Variants in TTC17 observed in about 807,000 individuals in gnomAD.
The protein encoded by TTC17 is tetratricopeptide repeat protein 17.
A neutral mutation model predicts 143.8 loss-of-function variants in TTC17; 58 were observed. The observed-to-expected ratio is 0.40, with a 90% CI of 0.33 to 0.50. The LOEUF is 0.50. TTC17 is among the 20% of genes least tolerant of loss of function. The probability of loss-of-function intolerance (pLI) is 0.49; values close to 1 mark genes in which losing one functional copy is unlikely to be tolerated. For synonymous variants in TTC17, 501 were observed against 497.8 expected (o/e 1.01, Z -0.09); for missense variants, 1,273 against 1,392.5 (o/e 0.91, Z 1.37).
At chr11:43,395,095 A>C (rs1018901485) in intron 5 of TTC17, among the ~76,000 whole-genome samples, 5 of 151,080 alleles carry the variant, frequency 3.3e-5, no homozygotes, top group Admixed American at 3.3e-4. Context: ...TAGTTCATGT[A>C]GAACTTTTTT....
At chr11:43,491,976 C>T in intron 22 of TTC17, 44 bp from the exon 23 acceptor site, 2 of 1,606,488 alleles carry the variant, frequency 1.2e-6, no homozygotes, top group South Asian at 1.1e-5. Context: ...AATGAAAGCT[C>T]AAAACCCAAT....
chr11:43,466,199 G>A (rs1278671918), intron 21 of TTC17, among the ~76,000 whole-genome samples: 1 of 152,136 alleles, frequency 6.6e-6, no homozygotes, highest in Non-Finnish European at 1.5e-5. Flanking sequence ...CAAATCATCA[G>A]GAAAATGCAA....
At chr11:43,421,034 A>G (rs1156564824) in intron 16 of TTC17, among the ~76,000 whole-genome samples, 1 of 152,228 alleles carries the variant, frequency 6.6e-6, no homozygotes, top group Admixed American at 6.5e-5. Context: ...TCACTATTCT[A>G]GGAATTGGAA....
intron 21 of TTC17, among the ~76,000 whole-genome samples, chr11:43,481,061 AGT>A (rs1948277732): frequency 1.3e-3 from 1 of 758 alleles, no homozygotes; most frequent in Non-Finnish European, 3.8e-3. Context: ...AAAAGGAGGT[AGT>A]AGGCATAGTT....
intron 21 of TTC17, among the ~76,000 whole-genome samples, chr11:43,477,932 A>G (rs1454438217): frequency 1.3e-5 from 2 of 152,214 alleles, no homozygotes; most frequent in African/African-American, 4.8e-5. Flanking sequence ...CTTAATGAAT[A>G]TCAGCAGTGA....
Position 43,412,182 on chromosome 11 carries a change from A to G in TTC17, c.2065-2408A>G, listed in dbSNP as rs970229693. Among the ~76,000 whole-genome samples, 184 of 152,296 alleles carry G rather than the reference A, an allele frequency of 1.2e-3. 2 individuals carry two copies. The highest frequency in any genetic ancestry group is 3.9e-4 in the East Asian group (2 of 5,184). Reference sequence around the variant, plus strand: ...TAGCATACAAAGTACACTGTTTACAATAGCATCAAGAAAACATCAGATCTG... The same window carrying G: ...TAGCATACAAAGTACACTGTTTACAGTAGCATCAAGAAAACATCAGATCTG... On this transcript the variant is annotated intron_variant, in intron 15 of 23. Coordinates refer to ENST00000039989, the MANE Select transcript of TTC17 (RefSeq NM_018259.6).
intron 1 of TTC17, among the ~76,000 whole-genome samples, chr11:43,376,679 A>G (rs1856774961): frequency 6.6e-6 from 1 of 152,224 alleles, no homozygotes; most frequent in Non-Finnish European, 1.5e-5. Flanking sequence ...TGTATATGAC[A>G]CAGGAGTACA....
chr11:43,477,382 T>A (rs1259861803), intron 21 of TTC17, among the ~76,000 whole-genome samples: 5 of 152,230 alleles, frequency 3.3e-5, no homozygotes, highest in African/African-American at 1.2e-4. Flanking sequence ...CCCACTCTGC[T>A]AGTACCAATT....
intron 17 of TTC17, among the ~76,000 whole-genome samples, chr11:43,443,855 C>T (rs1050503389): frequency 7.9e-5 from 12 of 152,184 alleles, no homozygotes; most frequent in African/African-American, 1.9e-4. Flanking sequence ...TCTTTCTTTT[C>T]GGTTTCTTCT....
chr11:43,361,854 A>C (rs1258362264), intron 1 of TTC17, among the ~76,000 whole-genome samples: 1 of 152,198 alleles, frequency 6.6e-6, no homozygotes, highest in African/African-American at 2.4e-5. Context: ...AGAGTGGTAC[A>C]TACCTTTTGA....
rs1455787944 is a variant in TTC17 at position 43,396,762 on chromosome 11, G to T, written c.717G>T (p.Lys239Asn). The T allele has an allele frequency of 6.2e-7, 1 of 1,610,176 alleles. No individual in the cohort carries two copies. Among genetic ancestry groups the T allele is most frequent in the African/African-American group, 1.3e-5 (1 of 74,846 alleles). Residue 239 changes from lysine (K) to asparagine (N), a missense_variant, in exon 6 of 24, where the codon AAG (lysine) becomes AAT (asparagine). By Grantham distance (94) the Lys-to-Asn change is moderately conservative. Around this residue, in one of 3 missense-constraint regions of TTC17, gnomAD observed 325 missense variants for 444.2 expected, o/e 0.73. Coordinates refer to ENST00000039989, the MANE Select transcript of TTC17 (RefSeq NM_018259.6). ...YNMASFYWRIKNEPYQVVECA... is the reference protein window; with the variant it reads ...YNMASFYWRINNEPYQVVECA... The stretch of plus-strand genomic sequence containing the variant: ...TGGCTTCATTTTACTGGAGAATTAA[G>T]AATGAGCCATATCAGGTAGTAGAAT...
rs534451559 is a variant in TTC17 at position 43,382,791 on chromosome 11, C to A, written c.249+3469C>A. 2.5e-4 allele frequency among the ~76,000 whole-genome samples: 38 copies of A among 152,324 alleles called. No homozygotes were observed. In the Middle Eastern group the frequency reaches 0.01, roughly 41 times the overall value. On this transcript the variant is annotated intron_variant, in intron 2 of 23. Transcript: ENST00000039989. ...TCAGGAAATACAGAAAATAGAGGAA[C>A]ATGTTCAGTGAACCTTGAGTACCTA... is the stretch of plus-strand genomic sequence containing the variant.
rs2134796773 is a variant in TTC17, at chr11:43,462,826, G to A, written c.3030+11561G>A. ...AGATTTGAATAAAATTATAATAACT[G>A]ATAGCAGTTATTATTGTAGCAGACC... On this transcript the variant is annotated intron_variant, in intron 21 of 23. Transcript: ENST00000039989. Among the ~76,000 whole-genome samples the A allele has an allele frequency of 2.6e-5, 4 of 152,034 alleles. No individual in the cohort carries two copies. In the South Asian group the frequency reaches 8.3e-4, roughly 32 times the overall value.
chr11:43,360,742 T>C lies in TTC17; in HGVS notation c.159+1629T>C, dbSNP rs192551654. Among the ~76,000 whole-genome samples the C allele has an allele frequency of 4.6e-3, 704 of 152,166 alleles. 1 individual carries two copies. The highest frequency in any genetic ancestry group is 0.016 in the African/African-American group (655 of 41,482). On this transcript the variant is annotated intron_variant, in intron 1 of 23. Coordinates refer to ENST00000039989, the MANE Select transcript of TTC17 (RefSeq NM_018259.6). ...TTTTTTTTTAACAAATTCCTTCTTTTTGCACTTTGGATACATATGTATTAA... is the reference window on the plus strand; with the variant it reads ...TTTTTTTTTAACAAATTCCTTCTTTCTGCACTTTGGATACATATGTATTAA...
intron 18 of TTC17, 85 bp downstream of exon 18, chr11:43,444,294 A>T: frequency 7.1e-7 from 1 of 1,402,296 alleles, no homozygotes; most frequent in Non-Finnish European, 9.6e-7. Context: ...GTAACTTGAA[A>T]TAGTTCAGAT....
At chr11:43,465,748 A>G (rs1206555540) in intron 21 of TTC17, among the ~76,000 whole-genome samples, 1 of 152,196 alleles carries the variant, frequency 6.6e-6, no homozygotes, top group East Asian at 1.9e-4. Context: ...CAAAAGAATG[A>G]AGTTGGACCC....
Position 43,391,591 on chromosome 11 carries a change from T to G in TTC17, c.531+15T>G. 6.9e-7 allele frequency: 1 copy of G among 1,440,718 alleles called. No individual in the cohort carries two copies. The allele number at this position is 1,440,718 out of a possible 1,614,324, so 89.2% of individuals were successfully genotyped here. A position where few individuals can be genotyped will look rare whatever the true frequency, so the allele number is the denominator to read the frequency against. Reference sequence around the variant, plus strand: ...AGCACTTGAGAGTAAGTAGAGAACTTTAGGATTTTTTTTTTTTTGCGTTGC... The same window carrying G: ...AGCACTTGAGAGTAAGTAGAGAACTGTAGGATTTTTTTTTTTTTGCGTTGC... On this transcript the variant is annotated intron_variant, in intron 4 of 23. Transcript: ENST00000039989.
chr11:43,408,391 G>A (rs1210047028), intron 15 of TTC17, among the ~76,000 whole-genome samples: 1 of 152,126 alleles, frequency 6.6e-6, no homozygotes, highest in Non-Finnish European at 1.5e-5. Flanking sequence ...TTAAGCAGAA[G>A]TTTACAATCT....
At chr11:43,402,677 C>G (rs1484460162) in intron 10 of TTC17, among the ~76,000 whole-genome samples, 1 of 152,032 alleles carries the variant, frequency 6.6e-6, no homozygotes, top group African/African-American at 2.4e-5. Flanking sequence ...GATTGGGATG[C>G]TTAACAGGTA....
Sources: allele counts gnomAD v4.1 joint callset (sites outside exome capture counted in the v4.1 genomes callset), GRCh38; gene constraint gnomAD v4.1.1; regional missense constraint gnomAD v4.1.1; transcripts MANE v1.5; gene names NCBI Gene and HGNC (gene_info 2026-07-23, HGNC 2026-07-21).